FAM163B: variants seen among roughly 807,000 people sequenced by gnomAD.
The protein encoded by FAM163B is family with sequence similarity 163 member B.
In FAM163B, 4 loss-of-function variants were observed where a neutral mutation model predicts 7.6. The observed-to-expected ratio is 0.52, with a 90% CI of 0.26 to 1.20. The LOEUF (loss-of-function observed/expected upper bound fraction) is 1.20, where lower values mean the gene tolerates loss of function less well. Among genes scored for constraint, FAM163B ranks in the 50% most tolerant of loss-of-function variants. The pLI, the probability that FAM163B is intolerant of heterozygous loss-of-function variation, is 0.14. For synonymous variants in FAM163B, 120 were observed against 111.6 expected (o/e 1.07, Z -0.47); for missense variants, 250 against 243.0 (o/e 1.03, Z -0.19).
At chr9:133,604,679 C>T (rs765565637) in intron 1 of FAM163B, among the ~76,000 whole-genome samples, 20 of 152,188 alleles carry the variant, frequency 1.3e-4, no homozygotes, top group Non-Finnish European at 2.4e-4. Context: ...TCAAACTCCA[C>T]GGAACACAGG....
intron 1 of FAM163B, among the ~76,000 whole-genome samples, chr9:133,589,512 T>G (rs1432150482): frequency 6.6e-6 from 1 of 152,214 alleles, no homozygotes; most frequent in African/African-American, 2.4e-5. Flanking sequence ...CACCCTCAGC[T>G]TGCCTGTAGG....
intron 1 of FAM163B, among the ~76,000 whole-genome samples, chr9:133,590,091 T>C (rs1465833269): frequency 0.072 from 745 of 10,372 alleles, 154 homozygotes; most frequent in African/African-American, 0.25. Flanking sequence ...TCCCCTTCCC[T>C]TCCCCTTCCC....
chr9:133,589,708 G>A (rs1019962002), intron 1 of FAM163B, among the ~76,000 whole-genome samples: 80 of 152,174 alleles, frequency 5.3e-4, no homozygotes, highest in African/African-American at 1.9e-3. Flanking sequence ...CAGGCCCTGA[G>A]TGAGCTGGGG....
chr9:133,600,037 GTC>G lies in FAM163B; in HGVS notation c.-24+9038_-24+9039del, dbSNP rs1278416968. ...GTGCATTTGTGTGCATGTATGTGTG[GTC>G]TGTGTGGATGTGTGTGAGTTTGTGT... On this transcript the variant is annotated intron_variant, in intron 1 of 2. Transcript: ENST00000673969. The surrounding 1 kb of genome is among the most constrained non-coding windows in gnomAD (Gnocchi z 4.9). 4.8e-5 allele frequency among the ~76,000 whole-genome samples: 7 copies of G among 146,204 alleles called. No homozygotes were observed. Among genetic ancestry groups the G allele is most frequent in the African/African-American group, 1.5e-4 (6 of 38,990 alleles).
chr9:133,579,536 T>G (rs923033526), intron 2 of FAM163B, 107 bp from the exon 3 acceptor site: 1 of 1,405,164 alleles, frequency 7.1e-7, no homozygotes, highest in Non-Finnish European at 9.5e-7. Flanking sequence ...ACGGTGGGAG[T>G]GGGGTGGCCC....
chr9:133,580,268 T>G, intron 1 of FAM163B, 22 bp from the exon 2 acceptor site: 1 of 1,536,796 alleles, frequency 6.5e-7, no homozygotes, highest in Non-Finnish European at 9.0e-7. Context: ...GCCGCCAGCT[T>G]TAGAGCATCA....
chr9:133,580,263 CAGCTTTAG>C lies in FAM163B; in HGVS notation c.-23-25_-23-18del. On this transcript the variant is annotated intron_variant, in intron 1 of 2. Transcript: ENST00000673969. ...ATCAACAGCCTGCAACACACGCCGC[CAGCTTTAG>C]AGCATCACGCTTCCTCACCACAAAA... The C allele has an allele frequency of 6.4e-7, 1 of 1,557,340 alleles. No individual in the cohort carries two copies. Among genetic ancestry groups the C allele is most frequent in the African/African-American group, 1.4e-5 (1 of 73,964 alleles).
chr9:133,582,247 A>C (rs1452124221), intron 1 of FAM163B, among the ~76,000 whole-genome samples: 2 of 152,228 alleles, frequency 1.3e-5, no homozygotes, highest in Non-Finnish European at 2.9e-5. Context: ...TACTGGTCCC[A>C]GCCTGTTGTC....
intron 1 of FAM163B, among the ~76,000 whole-genome samples, chr9:133,598,290 C>T (rs905020709): frequency 5.3e-5 from 8 of 151,852 alleles, no homozygotes; most frequent in South Asian, 2.1e-4. Flanking sequence ...CCCTTCTGAG[C>T]GAGCATGGGG....
rs3025308 is a variant in FAM163B, at chr9:133,593,792, C to T, written c.-23-13546G>A. Among the ~76,000 whole-genome samples, 380 of 152,346 alleles carry T rather than the reference C, an allele frequency of 2.5e-3. 3 individuals carry two copies. The highest frequency in any genetic ancestry group is 0.02 in the Middle Eastern group (6 of 294). On this transcript the variant is annotated intron_variant, in intron 1 of 2. Coordinates refer to ENST00000673969, the MANE Select transcript of FAM163B (RefSeq NM_001080515.3). ...AGACAGGCTGTCGGCAGGCTAGATT[C>T]GCACCCCGGCCCCGAACCTCAGACA...
chr9:133,608,179 G>T (rs1390743778), intron 1 of FAM163B, among the ~76,000 whole-genome samples: 1 of 152,206 alleles, frequency 6.6e-6, no homozygotes, highest in African/African-American at 2.4e-5. Flanking sequence ...TAGGACGAAT[G>T]CTGGGGCTCA....
At chr9:133,581,195 C>T (rs1291948709) in intron 1 of FAM163B, among the ~76,000 whole-genome samples, 1 of 152,200 alleles carries the variant, frequency 6.6e-6, no homozygotes, top group Non-Finnish European at 1.5e-5. Context: ...GCTCTCAAAG[C>T]ACCCGGCTGG....
At chr9:133,593,898 C>T (rs754017657) in intron 1 of FAM163B, among the ~76,000 whole-genome samples, 6 of 152,242 alleles carry the variant, frequency 3.9e-5, no homozygotes, top group Admixed American at 6.5e-5. Context: ...TAAGTCTGGG[C>T]TGGGAGCTCC....
rs552882066 is a variant in FAM163B, at chr9:133,601,740, T to C, written c.-24+7337A>G. The stretch of plus-strand genomic sequence containing the variant: ...TCTCTGTCCCTAATCATGGGGTGTC[T>C]TGGTCTGGGGGAGCCACAGCCACAC... On this transcript the variant is annotated intron_variant, in intron 1 of 2. Coordinates refer to ENST00000673969, the MANE Select transcript of FAM163B (RefSeq NM_001080515.3). The surrounding 1 kb of genome is among the most constrained non-coding windows in gnomAD (Gnocchi z 4.1). 1.7e-4 allele frequency among the ~76,000 whole-genome samples: 26 copies of C among 152,340 alleles called. No individual in the cohort carries two copies. Among genetic ancestry groups the C allele is most frequent in the African/African-American group, 5.8e-4 (24 of 41,576 alleles).
At chr9:133,588,655 C>G in intron 1 of FAM163B, among the ~76,000 whole-genome samples, 2 of 134,526 alleles carry the variant, frequency 1.5e-5, no homozygotes, top group Admixed American at 7.7e-5. Context: ...GTTGAAGGAT[C>G]TAGCATGCTG....
chr9:133,608,016 C>A (rs1160600496), intron 1 of FAM163B, among the ~76,000 whole-genome samples: 2 of 152,188 alleles, frequency 1.3e-5, no homozygotes, highest in African/African-American at 2.4e-5. Context: ...GGTGCTTTCC[C>A]AGCAACCCTG....
In FAM163B at chr9:133,609,259, G is replaced by A. The variant is rs981660929; in HGVS notation, c.-206C>T. The stretch of plus-strand genomic sequence containing the variant: ...GCTGAGAAGCCCGGGAGGCCCCCGG[G>A]GAGGCGACTGCGTGCCCAGGCGGGC... On this transcript the variant is annotated 5_prime_UTR_variant, in exon 1 of 3. Transcript: ENST00000673969. Among the ~76,000 whole-genome samples, 15 of 150,810 alleles carry A rather than the reference G, an allele frequency of 9.9e-5. No individual in the cohort carries two copies. Among genetic ancestry groups the A allele is most frequent in the Non-Finnish European group, 1.8e-4 (12 of 67,486 alleles).
At position 133,578,740 on chromosome 9, in the gene FAM163B, G is replaced by A; in HGVS notation, c.*282C>T. On this transcript the variant is annotated 3_prime_UTR_variant, in exon 3 of 3. Coordinates refer to ENST00000673969, the MANE Select transcript of FAM163B (RefSeq NM_001080515.3). ...ATCATCAGGAGTAACGGTGGCCTCT[G>A]TGCCTGAGAGCCCTGGTGCATGCCC... is the stretch of plus-strand genomic sequence containing the variant. The A allele has an allele frequency of 2.1e-6, 1 of 473,900 alleles. No homozygotes were observed. Among genetic ancestry groups the A allele is most frequent in the South Asian group, 5.6e-5 (1 of 17,874 alleles). The allele number at this position is 473,900 out of a possible 1,614,324, so 29.4% of individuals were successfully genotyped here. A position where few individuals can be genotyped will look rare whatever the true frequency, so the allele number is the denominator to read the frequency against.
chr9:133,583,975 A>G (rs1181421587), intron 1 of FAM163B, among the ~76,000 whole-genome samples: 2 of 151,754 alleles, frequency 1.3e-5, no homozygotes, highest in Non-Finnish European at 2.9e-5. Flanking sequence ...GCTCCCAAAA[A>G]CACGGCCTCC....
Sources: gnomAD v4.1 joint callset for allele counts (sites outside exome capture counted in the v4.1 genomes callset) on GRCh38, gnomAD v4.1.1 for gene constraint, Gnocchi (gnomAD v3.1) non-coding constraint, MANE v1.5 for transcripts, NCBI Gene and HGNC (gene_info 2026-07-23, HGNC 2026-07-21) for gene names.